The following SLC36A1 variants were observed in gnomAD, a reference collection of about 807,000 sequenced individuals.
SLC36A1 encodes the protein solute carrier family 36 member 1, also known as proton-coupled amino acid transporter 1.
A neutral mutation model predicts 47.5 loss-of-function variants in SLC36A1; 30 were observed. That is an observed-to-expected ratio of 0.63 (90% CI 0.47 to 0.86). The LOEUF (loss-of-function observed/expected upper bound fraction) is 0.86. SLC36A1 is among the 40% of genes least tolerant of loss of function. The pLI is 0.00. For synonymous variants in SLC36A1, 255 were observed against 249.7 expected, an observed-to-expected ratio of 1.02 and a Z score of -0.20; for missense variants, 517 against 606.0, an observed-to-expected ratio of 0.85 and a Z score of 1.54.
upstream of SLC36A1, among the ~76,000 whole-genome samples, chr5:151,446,446 C>T (rs556278721): frequency 8.4e-4 from 128 of 152,216 alleles, no homozygotes; most frequent in African/African-American, 3.0e-3. Flanking sequence ...AGGAGAATCG[C>T]TTGAATCCAG....
At chr5:151,530,164 G>A in the SLC36A1 span, among the ~76,000 whole-genome samples, 1 of 151,708 alleles carries the variant, frequency 6.6e-6, no homozygotes, top group Non-Finnish European at 1.5e-5. Context: ...AGTCTATAAT[G>A]GCCTTATATA....
chr5:151,508,476 G>C, the SLC36A1 span, among the ~76,000 whole-genome samples: 1 of 152,152 alleles, frequency 6.6e-6, no homozygotes, highest in Non-Finnish European at 1.5e-5. Context: ...TTGGGCAGCC[G>C]AGTCAGCGGG....
At chr5:151,534,970 A>AATATAT in the SLC36A1 span, among the ~76,000 whole-genome samples, 7,002 of 106,262 alleles carry the variant, frequency 0.066, 550 homozygotes, top group African/African-American at 0.13. Flanking sequence ...CTTCTAGGAA[A>AATATAT]ATATATATAT....
chr5:151,348,179 T>A, the SLC36A1 span, among the ~76,000 whole-genome samples: 90 of 152,088 alleles, frequency 5.9e-4, no homozygotes, highest in Non-Finnish European at 1.2e-4. Flanking sequence ...GAGTAAAGAG[T>A]GTTCTTCTGG....
At chr5:151,516,148 C>A in the SLC36A1 span, among the ~76,000 whole-genome samples, 1 of 152,174 alleles carries the variant, frequency 6.6e-6, no homozygotes, top group African/African-American at 2.4e-5. Flanking sequence ...ACTTTCTCAC[C>A]CTCTCCAAAT....
chr5:151,516,068 T>G, the SLC36A1 span, among the ~76,000 whole-genome samples: 1 of 152,222 alleles, frequency 6.6e-6, no homozygotes, highest in Admixed American at 6.5e-5. Context: ...AGCATTCTCC[T>G]GCCAAAAGGC....
chr5:151,444,858 G>C (rs894338901), upstream of SLC36A1, among the ~76,000 whole-genome samples: 1 of 152,142 alleles, frequency 6.6e-6, no homozygotes, highest in East Asian at 1.9e-4. Flanking sequence ...AATCTTTGGG[G>C]TTTTCTACAT....
At chr5:151,364,879 T>C in the SLC36A1 span, among the ~76,000 whole-genome samples, 1 of 152,156 alleles carries the variant, frequency 6.6e-6, no homozygotes, top group Non-Finnish European at 1.5e-5. Context: ...GGAACATGTT[T>C]ACTTCAGTTC....
the SLC36A1 span, among the ~76,000 whole-genome samples, chr5:151,399,605 C>A: frequency 6.6e-6 from 1 of 152,094 alleles, no homozygotes. Flanking sequence ...CTGTAGCTCC[C>A]AAATATGCTG....
intron 7 of SLC36A1, among the ~76,000 whole-genome samples, chr5:151,468,773 A>G (rs1339736653): frequency 1.3e-5 from 2 of 152,140 alleles, no homozygotes; most frequent in Non-Finnish European, 2.9e-5. Context: ...CATTGTATAC[A>G]GTTGGAAAAT....
At chr5:151,358,922 C>G in the SLC36A1 span, among the ~76,000 whole-genome samples, 1 of 138,628 alleles carries the variant, frequency 7.2e-6, no homozygotes, top group African/African-American at 2.9e-5. Flanking sequence ...TGCAGTGAGC[C>G]GAGATTGCGC....
At chr5:151,356,339 C>CAAAAAAAAAAAAAAAAAAAAAAAAAAAAA in the SLC36A1 span, among the ~76,000 whole-genome samples, 90 of 51,308 alleles carry the variant, frequency 1.8e-3, 5 homozygotes, top group East Asian at 3.1e-3. Context: ...CTCTGTCTCA[C>CAAAAAAAAAAAAAAAAAAAAAAAAAAAAA]AAAAAAAAAA....
At chr5:151,512,958 A>G in the SLC36A1 span, among the ~76,000 whole-genome samples, 1 of 152,220 alleles carries the variant, frequency 6.6e-6, no homozygotes, top group Non-Finnish European at 1.5e-5. The surrounding 1 kb of genome is among the most constrained non-coding windows in gnomAD (Gnocchi z 4.1). Flanking sequence ...GCCTTCAGCG[A>G]TTTGAAAAAC....
the SLC36A1 span, among the ~76,000 whole-genome samples, chr5:151,379,874 A>C: frequency 6.6e-6 from 1 of 152,222 alleles, no homozygotes; most frequent in Non-Finnish European, 1.5e-5. Context: ...GCTAGCAACT[A>C]TATTAATGCA....
chr5:151,381,219 C>A, the SLC36A1 span: 1 of 339,776 alleles, frequency 2.9e-6, no homozygotes, highest in Non-Finnish European at 5.9e-6. Context: ...GCCTCCTCCT[C>A]AGGAATGAGC....
chr5:151,357,343 G>A, the SLC36A1 span, among the ~76,000 whole-genome samples: 2 of 152,224 alleles, frequency 1.3e-5, no homozygotes, highest in Non-Finnish European at 2.9e-5. Context: ...ATTGTTCTTG[G>A]CACTAAAAGG....
the SLC36A1 span, among the ~76,000 whole-genome samples, chr5:151,347,085 C>CT: frequency 6.6e-6 from 1 of 152,196 alleles, no homozygotes; most frequent in Non-Finnish European, 1.5e-5. Context: ...CCACCTGTGC[C>CT]TTTTGGGATC....
At chr5:151,483,841 C>T (rs532757115) in intron 10 of SLC36A1, among the ~76,000 whole-genome samples, 1 of 152,242 alleles carries the variant, frequency 6.6e-6, no homozygotes, top group African/African-American at 2.4e-5. Flanking sequence ...TGCAGTGTCA[C>T]GCTTCATGTA....
chr5:151,458,305 TATATAC>T (rs1427719520), intron 1 of SLC36A1, among the ~76,000 whole-genome samples: 16,893 of 93,066 alleles, frequency 0.18, 1,479 homozygotes, highest in East Asian at 0.43. Context: ...CATACACGTG[TATATAC>T]GTATATATAT....
Sources: allele counts gnomAD v4.1 joint callset (sites outside exome capture counted in the v4.1 genomes callset), GRCh38; gene constraint gnomAD v4.1.1; non-coding constraint Gnocchi (gnomAD v3.1); transcripts MANE v1.5; gene names NCBI Gene and HGNC (gene_info 2026-07-23, HGNC 2026-07-21).